Variants in PLS1 observed in about 807,000 individuals in gnomAD.
PLS1 encodes the protein plastin-1.
A neutral mutation model predicts 73.7 loss-of-function variants in PLS1; 32 were observed. That is an observed-to-expected ratio of 0.43 (90% confidence interval 0.33 to 0.58). PLS1 has a LOEUF of 0.58. Ranked by LOEUF, PLS1 falls within the 20% of genes least tolerant of loss-of-function variation. The pLI is 0.04. For synonymous variants in PLS1, 217 were observed against 261.3 expected, an observed-to-expected ratio of 0.83 and a Z score of 1.63; for missense variants, 633 against 740.5, an observed-to-expected ratio of 0.85 and a Z score of 1.68.
chr3:142,671,173 G>A (rs755374701), intron 4 of PLS1, 51 bp downstream of exon 4: 3 of 1,478,832 alleles, frequency 2.0e-6, no homozygotes, highest in Non-Finnish European at 2.8e-6. Context: ...CATTGATTAA[G>A]TGACATATTT....
chr3:142,675,477 G>A (rs1045068473), intron 4 of PLS1, among the ~76,000 whole-genome samples: 1 of 151,830 alleles, frequency 6.6e-6, no homozygotes, highest in African/African-American at 2.4e-5. Flanking sequence ...CTGCCTCCTG[G>A]GTTCATGTCA....
At chr3:142,681,725 C>T (rs2037862005) in intron 6 of PLS1, among the ~76,000 whole-genome samples, 1 of 152,138 alleles carries the variant, frequency 6.6e-6, no homozygotes, top group South Asian at 2.1e-4. Flanking sequence ...GCAACTTCTC[C>T]ATGGGGTTCT....
At position 142,664,280 on chromosome 3, in the gene PLS1, G is replaced by T; in HGVS notation, c.43G>T (p.Glu15Ter). Residue 15 changes from glutamate to a stop codon, truncating the protein, a stop_gained, in exon 2 of 16, where the codon GAA becomes TAA. Coordinates refer to ENST00000457734, the MANE Select transcript of PLS1 (RefSeq NM_001145319.2). LOFTEE classifies it high-confidence loss of function. ...TACCATTTCTCGGGAGGAGCTTGAA[G>T]AACTACAAGAGGCATTTAATAAAAT... ...TTTISREELE[E>*]LQEAFNKIDI... is the part of the protein sequence containing the mutation. 1 of 1,588,590 alleles carries T rather than the reference G, an allele frequency of 6.3e-7. No homozygotes were observed. Among genetic ancestry groups the T allele is most frequent in the South Asian group, 1.1e-5 (1 of 90,080 alleles).
intron 4 of PLS1, among the ~76,000 whole-genome samples, chr3:142,674,546 G>C (rs1192824601): frequency 6.6e-6 from 1 of 152,060 alleles, no homozygotes; most frequent in Non-Finnish European, 1.5e-5. Context: ...TATATCTACA[G>C]AATAATAATA....
In PLS1 at chr3:142,631,664, G is replaced by GAAA. The variant is rs71153981; in HGVS notation, c.-36-32514_-36-32512dup. ...CAACAGAGTTGAGACCCTGTCTCTA[G>GAAA]AAAAAAAAAAAAAAAAAAAAAAAAA... is the stretch of plus-strand genomic sequence containing the variant. On this transcript the variant is annotated intron_variant, in intron 1 of 15. Transcript: ENST00000457734. Among the ~76,000 whole-genome samples the GAAA allele has an allele frequency of 1.4e-3, 55 of 39,438 alleles. 3 individuals carry two copies. Among genetic ancestry groups the GAAA allele is most frequent in the East Asian group, 3.2e-3 (3 of 946 alleles). 25.9% of individuals were successfully genotyped at this position (39,438 alleles called of 152,430 possible).
chr3:142,713,606 C>G lies in PLS1; in HGVS notation c.*1599C>G, dbSNP rs1432709894. ...TATTGGATTTACATGAAATCTGGCA[C>G]TTTAGGGTGTTCTTTTTCTCACAGA... On this transcript the variant is annotated 3_prime_UTR_variant, in exon 16 of 16. Coordinates refer to ENST00000457734, the MANE Select transcript of PLS1 (RefSeq NM_001145319.2). 6.6e-6 allele frequency: 1 copy of G among 152,278 alleles called. No individual in the cohort carries two copies. Among genetic ancestry groups the G allele is most frequent in the African/African-American group, 2.4e-5 (1 of 41,348 alleles). 9.4% of individuals were successfully genotyped at this position (152,278 alleles called of 1,614,324 possible).
chr3:142,707,050 A>C (rs2107967412), intron 14 of PLS1, among the ~76,000 whole-genome samples: 1 of 152,296 alleles, frequency 6.6e-6, no homozygotes, highest in East Asian at 1.9e-4. Context: ...TTTAAGGGAG[A>C]GCAACCCTAG....
At chr3:142,686,453 G>A (rs1371828595) in intron 9 of PLS1, 77 bp downstream of exon 9, 80 of 883,344 alleles carry the variant, frequency 9.1e-5, no homozygotes, top group Non-Finnish European at 8.3e-5. Flanking sequence ...ATCATTTTCA[G>A]TGTTCAGTTC....
chr3:142,598,211 C>T (rs2035846140), intron 1 of PLS1, among the ~76,000 whole-genome samples: 1 of 152,104 alleles, frequency 6.6e-6, no homozygotes. Flanking sequence ...TTAGCACCTC[C>T]CAACTTCCCG....
Position 142,713,100 on chromosome 3 carries a change from A to G in PLS1, c.*1093A>G, listed in dbSNP as rs901181527. ...CTAGTATTCAATGTAGAGTATTTTCATATGTTTTTCACAGCCCGTTACAAA... is the reference window on the plus strand; with the variant it reads ...CTAGTATTCAATGTAGAGTATTTTCGTATGTTTTTCACAGCCCGTTACAAA... On this transcript the variant is annotated 3_prime_UTR_variant, in exon 16 of 16. Coordinates refer to ENST00000457734, the MANE Select transcript of PLS1 (RefSeq NM_001145319.2). 1.3e-5 allele frequency: 2 copies of G among 152,430 alleles called. No homozygotes were observed. Among genetic ancestry groups the G allele is most frequent in the African/African-American group, 4.8e-5 (2 of 41,444 alleles). The allele number at this position is 152,430 out of a possible 1,614,324, so 9.4% of individuals were successfully genotyped here. A position where few individuals can be genotyped will look rare whatever the true frequency, so the allele number is the denominator to read the frequency against.
At chr3:142,678,243 T>G (rs989852744) in intron 6 of PLS1, 130 bp downstream of exon 6, 1 of 362,502 alleles carries the variant, frequency 2.8e-6, no homozygotes, top group Admixed American at 4.7e-5. Flanking sequence ...AAAACTTTTT[T>G]TTTTGGAATC....
In PLS1 at chr3:142,711,524, A is replaced by G; in HGVS notation, c.1653A>G (p.Leu551=). The change falls in exon 15 of 16, where the codon TTA becomes TTG. Residue 551 remains leucine (L), a synonymous_variant. Coordinates refer to ENST00000457734, the MANE Select transcript of PLS1 (RefSeq NM_001145319.2). ...AGGATAAATCTATAAGCACAAGTTT[A>G]CCTGTCCTAGATTTAATAGATGCCA... is the stretch of plus-strand genomic sequence containing the variant. ...SFKDKSISTS[L]PVLDLIDAIA... 1 of 1,594,830 alleles carries G rather than the reference A, an allele frequency of 6.3e-7. No homozygotes were observed. The highest frequency in any genetic ancestry group is 1.1e-5 in the South Asian group (1 of 89,714).
intron 1 of PLS1, among the ~76,000 whole-genome samples, chr3:142,653,434 C>T (rs1364470792): frequency 3.4e-5 from 5 of 145,916 alleles, no homozygotes; most frequent in Admixed American, 2.7e-4. Context: ...GATCTCGGCT[C>T]ACTGCAACCC....
intron 1 of PLS1, among the ~76,000 whole-genome samples, chr3:142,635,880 TTTTG>T (rs1226162592): frequency 1.3e-5 from 2 of 152,130 alleles, no homozygotes; most frequent in East Asian, 1.9e-4. Context: ...TGTGCGTGTG[TTTTG>T]TTTGTTTCTT....
At chr3:142,671,200 C>A in intron 4 of PLS1, 78 bp downstream of exon 4, 1 of 1,244,884 alleles carries the variant, frequency 8.0e-7, no homozygotes, top group Non-Finnish European at 1.2e-6. Flanking sequence ...TTCTAAGATG[C>A]CACTCATTGT....
In PLS1 at chr3:142,706,712, G is replaced by A. The variant is rs559410210; in HGVS notation, c.1629+2126G>A. 2.0e-5 allele frequency among the ~76,000 whole-genome samples: 3 copies of A among 152,190 alleles called. No individual in the cohort carries two copies. The South Asian group carries it at 6.2e-4, about 32-fold the overall frequency. Reference sequence around the variant, plus strand: ...TGATGTAATAAGGGGGCTGGGGCTGGGAATGGAAATGGTAAGATTAGAAAG... The same window carrying A: ...TGATGTAATAAGGGGGCTGGGGCTGAGAATGGAAATGGTAAGATTAGAAAG... On this transcript the variant is annotated intron_variant, in intron 14 of 15. Transcript: ENST00000457734.
intron 1 of PLS1, among the ~76,000 whole-genome samples, chr3:142,606,404 A>T (rs2036019098): frequency 1.3e-5 from 2 of 152,222 alleles, no homozygotes; most frequent in Non-Finnish European, 2.9e-5. Flanking sequence ...CACTTTGAAT[A>T]GGATTAAATG....
intron 1 of PLS1, among the ~76,000 whole-genome samples, chr3:142,661,044 A>G (rs1295680593): frequency 6.6e-6 from 1 of 152,210 alleles, no homozygotes; most frequent in Non-Finnish European, 1.5e-5. Flanking sequence ...CAAGGGATAG[A>G]AAGCATTTTG....
At chr3:142,603,824 G>T (rs1209254710) in intron 1 of PLS1, among the ~76,000 whole-genome samples, 1 of 151,100 alleles carries the variant, frequency 6.6e-6, no homozygotes, top group Non-Finnish European at 1.5e-5. Context: ...ACTGCACACA[G>T]ACATGCCTCC....
Sources: allele counts gnomAD v4.1 joint callset (sites outside exome capture counted in the v4.1 genomes callset), GRCh38; gene constraint gnomAD v4.1.1; transcripts MANE v1.5; gene names NCBI Gene and HGNC (gene_info 2026-07-23, HGNC 2026-07-21).